KIAA1217: variants seen among roughly 807,000 people sequenced by gnomAD.
The protein encoded by KIAA1217 is sickle tail protein homolog.
A neutral mutation model predicts 163.9 loss-of-function variants in KIAA1217; 88 were observed. The observed-to-expected ratio is 0.54, with a 90% CI of 0.45 to 0.64. The LOEUF is 0.64. Ranked by LOEUF, KIAA1217 falls within the 30% of genes least tolerant of loss-of-function variation. The pLI, the probability that KIAA1217 is intolerant of heterozygous loss-of-function variation, is 0.00. For missense variants in KIAA1217, 2,372 were observed against 2,475.0 expected, an observed-to-expected ratio of 0.96 and a Z score of 0.88; for synonymous variants, 903 against 923.1, an observed-to-expected ratio of 0.98 and a Z score of 0.39.
At chr10:24,016,071 G>A (rs951456740) in intron 2 of KIAA1217, among the ~76,000 whole-genome samples, 2 of 152,126 alleles carry the variant, frequency 1.3e-5, no homozygotes, top group African/African-American at 2.4e-5. Flanking sequence ...ATGTATCTCA[G>A]CATGCATAGT....
intron 4 of KIAA1217, among the ~76,000 whole-genome samples, chr10:24,436,277 AAAG>A (rs1462459088): frequency 6.6e-6 from 1 of 152,248 alleles, no homozygotes; most frequent in African/African-American, 2.4e-5. Flanking sequence ...TAAATAAAAA[AAAG>A]AACCTAAAAA....
At position 23,738,510 on chromosome 10, in the gene KIAA1217, T is replaced by A. The variant is rs185616657; in HGVS notation, c.-321+43276T>A. Among the ~76,000 whole-genome samples the A allele has an allele frequency of 5.3e-5, 8 of 152,352 alleles. No individual in the cohort carries two copies. The East Asian group carries it at 1.5e-3, about 29-fold the overall frequency. ...ATTGATTTTCTGCGTGCCTGCTGAT[T>A]TTATTTGTTGTTACATATTTCATTT... On this transcript the variant is annotated intron_variant, in intron 1 of 18. Coordinates refer to the KIAA1217 transcript ENST00000376462.
chr10:23,875,345 A>G lies in KIAA1217; in HGVS notation c.-320-131880A>G, dbSNP rs187391781. Among the ~76,000 whole-genome samples the G allele has an allele frequency of 3.9e-3, 586 of 152,168 alleles. 7 individuals are homozygous for G. Among genetic ancestry groups the G allele is most frequent in the African/African-American group, 0.012 (512 of 41,540 alleles). On this transcript the variant is annotated intron_variant, in intron 1 of 18. Coordinates refer to the KIAA1217 transcript ENST00000376462. ...TAACTAATAACAGAAAAGATATTGCATTGGGAAAATATAATTTTATAGGTG... is the reference window on the plus strand; with the variant it reads ...TAACTAATAACAGAAAAGATATTGCGTTGGGAAAATATAATTTTATAGGTG...
At chr10:23,831,134 G>A (rs778730425) in intron 1 of KIAA1217, among the ~76,000 whole-genome samples, 6 of 151,876 alleles carry the variant, frequency 4.0e-5, no homozygotes, top group Non-Finnish European at 4.4e-5. Context: ...CCCTTATCTC[G>A]TGCTACACAC....
chr10:24,533,374 T>A, intron 16 of KIAA1217, 137 bp downstream of exon 16: 1 of 805,004 alleles, frequency 1.2e-6, no homozygotes, highest in Non-Finnish European at 1.8e-6. Flanking sequence ...CTTCTGGCCT[T>A]AGCCTTTGCT....
chr10:24,293,081 C>T (rs932857937), intron 2 of KIAA1217, among the ~76,000 whole-genome samples: 5 of 152,116 alleles, frequency 3.3e-5, no homozygotes, highest in Non-Finnish European at 5.9e-5. Context: ...CTCCCTCTGT[C>T]GCCCAGCCAG....
chr10:24,240,441 T>C (rs894064882), intron 2 of KIAA1217, among the ~76,000 whole-genome samples: 3 of 152,224 alleles, frequency 2.0e-5, no homozygotes, highest in Non-Finnish European at 4.4e-5. Context: ...TGAGACCTCC[T>C]GAAATTTTGC....
At chr10:24,114,935 ATT>A (rs2062993780) in intron 2 of KIAA1217, among the ~76,000 whole-genome samples, 1 of 152,102 alleles carries the variant, frequency 6.6e-6, no homozygotes, top group African/African-American at 2.4e-5. Flanking sequence ...TCTGTCTTTG[ATT>A]TTGAGCTTTC....
intron 1 of KIAA1217, among the ~76,000 whole-genome samples, chr10:23,862,519 G>A (rs1840003477): frequency 6.6e-6 from 1 of 152,110 alleles, no homozygotes; most frequent in Non-Finnish European, 1.5e-5. Flanking sequence ...GGAGCCGAAT[G>A]TCTCTCAGGA....
chr10:23,812,383 A>G (rs1837107760), intron 1 of KIAA1217, among the ~76,000 whole-genome samples: 1 of 152,208 alleles, frequency 6.6e-6, no homozygotes, highest in Non-Finnish European at 1.5e-5. Context: ...CTTAAAAACA[A>G]AGGATTTACT....
chr10:23,991,433 A>T (rs1473917712), intron 1 of KIAA1217, among the ~76,000 whole-genome samples: 1 of 152,168 alleles, frequency 6.6e-6, no homozygotes, highest in Non-Finnish European at 1.5e-5. Flanking sequence ...GTCCTGAAGG[A>T]GCTTATTCTC....
At chr10:24,038,828 T>C (rs1848504201) in intron 2 of KIAA1217, among the ~76,000 whole-genome samples, 1 of 146,008 alleles carries the variant, frequency 6.8e-6, no homozygotes, top group Non-Finnish European at 1.5e-5. Flanking sequence ...CTCAGCTCAC[T>C]GCAACCTCTG....
chr10:24,471,840 T>A (rs544853967), intron 5 of KIAA1217, among the ~76,000 whole-genome samples: 1 of 148,968 alleles, frequency 6.7e-6, no homozygotes, highest in Non-Finnish European at 1.5e-5. Flanking sequence ...TGAGCTGAGA[T>A]TGCGCCACTG....
chr10:24,118,773 A>G (rs1339978253), intron 2 of KIAA1217, among the ~76,000 whole-genome samples: 1 of 152,064 alleles, frequency 6.6e-6, no homozygotes, highest in Non-Finnish European at 1.5e-5. Context: ...TTGAAGAAAT[A>G]AATATAAAAG....
intron 5 of KIAA1217, chr10:24,449,795 A>G (rs1453554842): frequency 1.1e-6 from 1 of 948,490 alleles, no homozygotes; most frequent in Admixed American, 6.2e-5. Flanking sequence ...ATAGGATATT[A>G]TCTTTAGAAT....
chr10:23,934,591 GTATATATATATATATGTA>G (rs1843426129), intron 1 of KIAA1217, among the ~76,000 whole-genome samples: 1 of 27,994 alleles, frequency 3.6e-5, no homozygotes. Flanking sequence ...ATATATATAT[GTATATATATATATATGTA>G]TATATATATA....
At chr10:24,210,775 T>C (rs2067978315) in intron 1 of KIAA1217, among the ~76,000 whole-genome samples, 1 of 152,132 alleles carries the variant, frequency 6.6e-6, no homozygotes, top group African/African-American at 2.4e-5. Flanking sequence ...CTTGCCTTCA[T>C]TTAACTTCCA....
At chr10:24,156,118 T>C (rs1328976495) in intron 2 of KIAA1217, among the ~76,000 whole-genome samples, 1 of 152,182 alleles carries the variant, frequency 6.6e-6, no homozygotes. Flanking sequence ...CCATCACCCA[T>C]TTTTAATGTT....
intron 6 of KIAA1217, among the ~76,000 whole-genome samples, chr10:24,478,404 A>G (rs530435402): frequency 2.0e-5 from 3 of 152,346 alleles, no homozygotes; most frequent in African/African-American, 4.8e-5. Flanking sequence ...ATGAGCATCT[A>G]GTAATAATAA....
Sources: allele counts gnomAD v4.1 joint callset (sites outside exome capture counted in the v4.1 genomes callset), GRCh38; gene constraint gnomAD v4.1.1; transcripts MANE v1.5; gene names NCBI Gene and HGNC (gene_info 2026-07-23, HGNC 2026-07-21).